The following SRGAP2 variants were observed in gnomAD, a reference collection of about 807,000 sequenced individuals.
SRGAP2 encodes SLIT-ROBO Rho GTPase-activating protein 2.
Under a neutral mutation model 57.2 loss-of-function variants are expected in SRGAP2, and 15 were observed. The observed-to-expected ratio is 0.26, with a 90% CI of 0.18 to 0.40. SRGAP2 has a LOEUF of 0.40. Ranked by LOEUF, SRGAP2 falls within the 10% of genes least tolerant of loss-of-function variation. SRGAP2 has a pLI of 1.00. For missense variants in SRGAP2, 520 were observed against 669.6 expected, an observed-to-expected ratio of 0.78 and a Z score of 2.47; for synonymous variants, 249 against 248.0, an observed-to-expected ratio of 1.00 and a Z score of -0.04.
In SRGAP2 at chr1:206,446,289, G is replaced by A. The variant is rs1553373775; in HGVS notation, c.2089G>A (p.Glu697Lys). 5.1e-6 allele frequency: 4 copies of A among 780,840 alleles called. No homozygotes were observed. Among genetic ancestry groups the A allele is most frequent in the African/African-American group, 5.1e-5 (3 of 59,266 alleles). 48.4% of individuals were successfully genotyped at this position (780,840 alleles called of 1,614,324 possible). A position where few individuals can be genotyped will look rare whatever the true frequency, so the allele number is the denominator to read the frequency against. The change falls in exon 18 of 23, where the codon GAG (glutamate) becomes AAG (lysine). Residue 697 changes from glutamate to lysine, a missense_variant. Coordinates refer to ENST00000573034, the MANE Select transcript of SRGAP2 (RefSeq NM_015326.5). ...TGTCTACAGCAGAGGAGGAAGCATG[G>A]AGGATTACTGGTAGGGGGGCTTGGG... ...GPVYSRGGSM[E>K]DYCDSPHGET...
chr1:206,454,599 G>C lies in SRGAP2; in HGVS notation c.2361-279G>C. 1 of 454,704 alleles carries C rather than the reference G, an allele frequency of 2.2e-6. No homozygotes were observed. Among genetic ancestry groups the C allele is most frequent in the South Asian group, 3.2e-5 (1 of 31,018 alleles). 28.2% of individuals were successfully genotyped at this position (454,704 alleles called of 1,614,324 possible). On this transcript the variant is annotated intron_variant, in intron 20 of 22. Coordinates refer to ENST00000573034, the MANE Select transcript of SRGAP2 (RefSeq NM_015326.5). This position sits in a 1 kb window ranked among gnomAD's most constrained non-coding sequence, Gnocchi z 4.3. ...CCCAGGAAGCAGCATGGGGTAGAAG[G>C]CAGATGCCTCGAATCCAGGTGTCCC...
At chr1:206,374,198 T>C (rs1188303829) in intron 4 of SRGAP2, among the ~76,000 whole-genome samples, 1 of 151,106 alleles carries the variant, frequency 6.6e-6, no homozygotes, top group Non-Finnish European at 1.5e-5. Context: ...CTAACTTTTT[T>C]TTTGTATTTT....
chr1:206,322,492 A>G (rs1673536463), intron 3 of SRGAP2, among the ~76,000 whole-genome samples: 1 of 150,930 alleles, frequency 6.6e-6, no homozygotes, highest in Non-Finnish European at 1.5e-5. Flanking sequence ...AGGCAGGAGA[A>G]TGGGGTGAAC....
intron 17 of SRGAP2, among the ~76,000 whole-genome samples, chr1:206,443,916 G>A (rs1350824330): frequency 6.6e-6 from 1 of 152,010 alleles, no homozygotes; most frequent in Non-Finnish European, 1.5e-5. Flanking sequence ...TAGGACAGGC[G>A]CAGTAGCTCA....
intron 2 of SRGAP2, among the ~76,000 whole-genome samples, chr1:206,286,906 C>T (rs1671059307): frequency 6.6e-6 from 1 of 152,054 alleles, no homozygotes; most frequent in African/African-American, 2.4e-5. Context: ...GTTAGCTTTT[C>T]TCCACTGGGA....
chr1:206,285,506 A>G (rs1670969192), intron 2 of SRGAP2, among the ~76,000 whole-genome samples: 6 of 152,128 alleles, frequency 3.9e-5, no homozygotes, highest in Non-Finnish European at 1.5e-5. Flanking sequence ...AGGGACAGGA[A>G]ACTTTCCTGG....
intron 4 of SRGAP2, among the ~76,000 whole-genome samples, chr1:206,363,777 A>G (rs1176499541): frequency 7.2e-5 from 11 of 152,146 alleles, no homozygotes; most frequent in Non-Finnish European, 1.5e-4. Flanking sequence ...AAGCGATGTC[A>G]TATTTTTCTT....
At chr1:206,259,642 T>C (rs1553313153) in intron 2 of SRGAP2, among the ~76,000 whole-genome samples, 8 of 150,764 alleles carry the variant, frequency 5.3e-5, no homozygotes. Flanking sequence ...TGCATTTATC[T>C]AGTTGAGGCT....
chr1:206,228,374 GA>G (rs1266111567), intron 2 of SRGAP2, among the ~76,000 whole-genome samples: 1 of 147,054 alleles, frequency 6.8e-6, no homozygotes, highest in African/African-American at 2.5e-5. Flanking sequence ...CTTTTATGGC[GA>G]AATGTGTTTG....
rs368528138 is a variant in SRGAP2, at chr1:206,443,914, G to A, written c.1875-2161G>A. On this transcript the variant is annotated intron_variant, in intron 17 of 22. Transcript: ENST00000573034. ...GTTAAGAACCACTGCTTTAGGACAG[G>A]CGCAGTAGCTCACACCTGTAATCCC... is the stretch of plus-strand genomic sequence containing the variant. Among the ~76,000 whole-genome samples the A allele has an allele frequency of 1.4e-4, 21 of 152,220 alleles. No individual in the cohort carries two copies. The East Asian group carries it at 3.5e-3, about 25-fold the overall frequency.
chr1:206,218,120 C>T (rs1176213132), intron 2 of SRGAP2, among the ~76,000 whole-genome samples: 6 of 152,174 alleles, frequency 3.9e-5, no homozygotes, highest in African/African-American at 1.4e-4. Context: ...ACCAGCCTGG[C>T]CAACATGGTG....
intron 4 of SRGAP2, among the ~76,000 whole-genome samples, chr1:206,363,679 T>C (rs1442540927): frequency 1.3e-5 from 2 of 152,104 alleles, no homozygotes; most frequent in East Asian, 1.9e-4. Flanking sequence ...TTCTGGTCAG[T>C]TATTTTGTAG....
intron 2 of SRGAP2, among the ~76,000 whole-genome samples, chr1:206,275,664 G>T (rs1355750421): frequency 1.3e-5 from 2 of 149,116 alleles, no homozygotes; most frequent in East Asian, 3.9e-4. Context: ...CACCAGGCTG[G>T]AGTGCAGTGG....
At chr1:206,436,422 C>T (rs1446628561) in intron 14 of SRGAP2, among the ~76,000 whole-genome samples, 2 of 151,522 alleles carry the variant, frequency 1.3e-5, no homozygotes, top group Non-Finnish European at 2.9e-5. Context: ...GTGATCATAG[C>T]TCATTGTAGC....
At chr1:206,277,078 C>T (rs1401712075) in intron 2 of SRGAP2, among the ~76,000 whole-genome samples, 38 of 151,924 alleles carry the variant, frequency 2.5e-4, no homozygotes, top group Admixed American at 7.9e-4. Flanking sequence ...GATTCTCCTG[C>T]GTCAGCCTCC....
At chr1:206,425,344 G>T (rs566734480) in intron 13 of SRGAP2, among the ~76,000 whole-genome samples, 4 of 152,238 alleles carry the variant, frequency 2.6e-5, no homozygotes, top group Admixed American at 6.5e-5. Context: ...TAGGGTATCT[G>T]TCATCTCACA....
intron 2 of SRGAP2, among the ~76,000 whole-genome samples, chr1:206,279,848 T>C (rs1470330369): frequency 2.0e-4 from 30 of 151,854 alleles, no homozygotes; most frequent in Non-Finnish European, 8.8e-5. Flanking sequence ...AGAAATCGGC[T>C]GGTTGTCTCC....
At chr1:206,268,081 A>ATTT (rs71568075) in intron 2 of SRGAP2, among the ~76,000 whole-genome samples, 92 of 145,240 alleles carry the variant, frequency 6.3e-4, no homozygotes, top group African/African-American at 2.3e-3. Context: ...ATATATATAT[A>ATTT]TTTTTTTTTT....
At chr1:206,241,142 C>A (rs1477434476) in intron 2 of SRGAP2, among the ~76,000 whole-genome samples, 2 of 152,168 alleles carry the variant, frequency 1.3e-5, no homozygotes, top group Non-Finnish European at 2.9e-5. Flanking sequence ...TGTAATCATG[C>A]CTCTACACTC....
Sources: allele counts gnomAD v4.1 joint callset (sites outside exome capture counted in the v4.1 genomes callset), GRCh38; gene constraint gnomAD v4.1.1; non-coding constraint Gnocchi (gnomAD v3.1); transcripts MANE v1.5; gene names NCBI Gene and HGNC (gene_info 2026-07-23, HGNC 2026-07-21).